Variants in ANKRD10 observed in about 807,000 individuals in gnomAD.
ANKRD10 encodes ankyrin repeat domain 10.
In ANKRD10, 14 loss-of-function variants were observed where a neutral mutation model predicts 27.0. The ratio of observed to expected loss-of-function variants is 0.52; its 90% CI spans 0.34 to 0.81. The LOEUF (loss-of-function observed/expected upper bound fraction) is 0.81. ANKRD10 is among the 40% of genes least tolerant of loss of function. The pLI is 0.01. For synonymous variants in ANKRD10, 250 were observed against 224.5 expected, an observed-to-expected ratio of 1.11 and a Z score of -1.01; for missense variants, 493 against 544.0, an observed-to-expected ratio of 0.91 and a Z score of 0.93.
chr13:110,900,272 C>T (rs977888565), intron 3 of ANKRD10, among the ~76,000 whole-genome samples: 10 of 152,146 alleles, frequency 6.6e-5, no homozygotes, highest in African/African-American at 2.4e-4. Context: ...TCAGGAAATA[C>T]CTGAAGTATA....
At chr13:110,901,198 C>T (rs1340142876) in intron 3 of ANKRD10, among the ~76,000 whole-genome samples, 2 of 151,960 alleles carry the variant, frequency 1.3e-5, no homozygotes, top group African/African-American at 2.4e-5. Flanking sequence ...AAAAGAAATA[C>T]ATGTGTATTT....
At chr13:110,899,450 C>T (rs1307688943) in intron 3 of ANKRD10, among the ~76,000 whole-genome samples, 1 of 152,186 alleles carries the variant, frequency 6.6e-6, no homozygotes, top group Non-Finnish European at 1.5e-5. Flanking sequence ...TATAGCCTAC[C>T]TCCTTGGTCC....
chr13:110,901,681 C>G (rs2065384495), intron 3 of ANKRD10, among the ~76,000 whole-genome samples: 1 of 152,152 alleles, frequency 6.6e-6, no homozygotes, highest in Admixed American at 6.5e-5. Context: ...GGAACTGATT[C>G]CTCCATCCTG....
chr13:110,883,480 A>G (rs2138820648), intron 5 of ANKRD10: 1 of 1,285,868 alleles, frequency 7.8e-7, no homozygotes, highest in South Asian at 2.6e-5. Flanking sequence ...ATAGTATAAC[A>G]TTTTTAAAAA....
intron 3 of ANKRD10, among the ~76,000 whole-genome samples, chr13:110,895,883 C>T (rs1207015126): frequency 6.6e-6 from 1 of 152,204 alleles, no homozygotes; most frequent in Non-Finnish European, 1.5e-5. Flanking sequence ...TCTCCCACTT[C>T]ACTTTTTCCC....
chr13:110,913,967 G>T (rs570548076), intron 1 of ANKRD10, among the ~76,000 whole-genome samples: 3 of 152,132 alleles, frequency 2.0e-5, no homozygotes, highest in African/African-American at 7.2e-5. Flanking sequence ...TAAGAAAAAA[G>T]AGGGGAACGT....
rs1470004471 is a variant in ANKRD10 at position 110,900,426 on chromosome 13, TAGAA to T, written c.455+5603_455+5606del. 3.7e-6 allele frequency: 3 copies of T among 819,516 alleles called. No individual in the cohort carries two copies. In the African/African-American group the frequency reaches 5.6e-5, roughly 15 times the overall value. The allele number at this position is 819,516 out of a possible 1,614,324, so 50.8% of individuals were successfully genotyped here. A position where few individuals can be genotyped will look rare whatever the true frequency, so the allele number is the denominator to read the frequency against. On this transcript the variant is annotated intron_variant, in intron 3 of 5. Transcript: ENST00000267339. ...AACTTAGCTATTGTTAGTTTACAAA[TAGAA>T]AGGTAGATATCATAAATTAGGTAAG...
intron 2 of ANKRD10, among the ~76,000 whole-genome samples, chr13:110,909,380 C>T (rs1006039228): frequency 6.6e-6 from 1 of 152,190 alleles, no homozygotes; most frequent in Non-Finnish European, 1.5e-5. Flanking sequence ...AGGAAAAACA[C>T]AAGGCGCTGC....
At chr13:110,880,990 C>T (rs1051634785) in intron 5 of ANKRD10, among the ~76,000 whole-genome samples, 7 of 152,030 alleles carry the variant, frequency 4.6e-5, no homozygotes, top group East Asian at 1.9e-4. Context: ...TCTGCATATA[C>T]AGACATCTAT....
intron 3 of ANKRD10, chr13:110,900,709 C>T (rs1566478291): frequency 7.4e-7 from 1 of 1,345,838 alleles, no homozygotes; most frequent in Non-Finnish European, 9.8e-7. Flanking sequence ...AAAACATTGA[C>T]ATGTGTAGTT....
At chr13:110,911,174 G>A (rs1409380862) in intron 1 of ANKRD10, among the ~76,000 whole-genome samples, 2 of 152,216 alleles carry the variant, frequency 1.3e-5, no homozygotes, top group Non-Finnish European at 1.5e-5. Flanking sequence ...TGTAGGCCGG[G>A]CGCAGTGGCT....
chr13:110,892,415 G>GAAAAAAAAAAA (rs1381734881), intron 4 of ANKRD10, among the ~76,000 whole-genome samples: 2 of 2,586 alleles, frequency 7.7e-4, no homozygotes, highest in Non-Finnish European at 5.7e-4. Flanking sequence ...GGGTGACAGA[G>GAAAAAAAAAAA]CAAAAAAAAA....
intron 2 of ANKRD10, among the ~76,000 whole-genome samples, chr13:110,909,592 C>T (rs2065636071): frequency 6.6e-6 from 1 of 152,218 alleles, no homozygotes; most frequent in Non-Finnish European, 1.5e-5. Flanking sequence ...GGCCACCTTC[C>T]ATTTTCTTTT....
intron 3 of ANKRD10, chr13:110,899,055 C>G (rs79529600): frequency 0.04 from 6,025 of 152,222 alleles, 188 homozygotes; most frequent in Middle Eastern, 0.075. Flanking sequence ...CTGCGTCCAG[C>G]CATTTTTTTT....
chr13:110,892,729 T>G (rs1383060515), intron 4 of ANKRD10: 1 of 1,050,496 alleles, frequency 9.5e-7, no homozygotes, highest in African/African-American at 1.7e-5. Context: ...ATAGATATAT[T>G]TCAAACAGAT....
intron 3 of ANKRD10, chr13:110,905,227 C>T (rs2065497113): frequency 6.6e-6 from 1 of 152,144 alleles, no homozygotes; most frequent in African/African-American, 2.4e-5. Context: ...TTTGTTAATG[C>T]TGTGAACTGC....
At chr13:110,885,559 A>AG (rs932573667) in intron 4 of ANKRD10, among the ~76,000 whole-genome samples, 53 of 152,188 alleles carry the variant, frequency 3.5e-4, no homozygotes, top group African/African-American at 1.2e-3. Flanking sequence ...AAAAAAGAAA[A>AG]AAAGAAAGAA....
intron 4 of ANKRD10, among the ~76,000 whole-genome samples, chr13:110,891,891 T>TA (rs1566460280): frequency 4.1e-5 from 6 of 146,258 alleles, no homozygotes; most frequent in South Asian, 2.3e-4. Context: ...TTTTTTTTTT[T>TA]AAATAGAGAC....
intron 5 of ANKRD10, among the ~76,000 whole-genome samples, chr13:110,880,715 C>A (rs1157460644): frequency 6.6e-6 from 1 of 152,168 alleles, no homozygotes; most frequent in African/African-American, 2.4e-5. Flanking sequence ...AAAGGAACCA[C>A]TGTTTTTATT....
Sources: allele counts gnomAD v4.1 joint callset (sites outside exome capture counted in the v4.1 genomes callset), GRCh38; gene constraint gnomAD v4.1.1; transcripts MANE v1.5; gene names NCBI Gene and HGNC (gene_info 2026-07-23, HGNC 2026-07-21).